The following RPS6KB1 variants were observed in gnomAD, a reference collection of about 807,000 sequenced individuals.
The protein encoded by RPS6KB1 is ribosomal protein S6 kinase beta-1.
Under a neutral mutation model 70.2 loss-of-function variants are expected in RPS6KB1, and 12 were observed. That is an observed-to-expected ratio of 0.17 (90% confidence interval 0.11 to 0.28). RPS6KB1 has a LOEUF of 0.28. Ranked by LOEUF, RPS6KB1 falls within the 10% of genes least tolerant of loss-of-function variation. The pLI, the probability that RPS6KB1 is intolerant of heterozygous loss-of-function variation, is 1.00. For missense variants in RPS6KB1, 270 were observed against 646.6 expected (o/e 0.42, Z 6.32); for synonymous variants, 175 against 211.2 (o/e 0.83, Z 1.49).
chr17:59,941,859 C>CTT (rs1197414948), intron 13 of RPS6KB1, among the ~76,000 whole-genome samples: 17 of 117,072 alleles, frequency 1.5e-4, no homozygotes, highest in East Asian at 7.5e-4. Flanking sequence ...GTCTCGATTT[C>CTT]TTTTTTTTTT....
At chr17:59,898,953 A>T (rs1033990629) in intron 1 of RPS6KB1, among the ~76,000 whole-genome samples, 6 of 151,196 alleles carry the variant, frequency 4.0e-5, no homozygotes, top group Non-Finnish European at 8.8e-5. Context: ...CTGTAATCCC[A>T]GCACTTTGGG....
At chr17:59,938,384 G>A (rs147966470) in intron 12 of RPS6KB1, among the ~76,000 whole-genome samples, 1,687 of 148,834 alleles carry the variant, frequency 0.011, 14 homozygotes, top group Non-Finnish European at 0.017. Context: ...AATTTTTTTT[G>A]TTGTTGTTGT....
At chr17:59,903,064 T>C (rs1298853641) in intron 1 of RPS6KB1, among the ~76,000 whole-genome samples, 7 of 151,788 alleles carry the variant, frequency 4.6e-5, no homozygotes, top group African/African-American at 1.7e-4. Context: ...TCCCAGCACT[T>C]TGGGAGGCCG....
At position 59,934,304 on chromosome 17, in the gene RPS6KB1, A is replaced by T. The variant is rs771672048; in HGVS notation, c.779+44A>T. 1.3e-6 allele frequency: 2 copies of T among 1,481,714 alleles called. No individual in the cohort carries two copies. Among genetic ancestry groups the T allele is most frequent in the African/African-American group, 2.8e-5 (2 of 72,244 alleles). The allele number at this position is 1,481,714 out of a possible 1,614,324, so 91.8% of individuals were successfully genotyped here. A position where few individuals can be genotyped will look rare whatever the true frequency, so the allele number is the denominator to read the frequency against. On this transcript the variant is annotated intron_variant, in intron 8 of 14. Transcript: ENST00000225577. The surrounding 1 kb of genome is among the most constrained non-coding windows in gnomAD (Gnocchi z 4.8). ...ATAATTGGTTTGGGGGTAATAGCTA[A>T]TTTTACCTGTTTTAAGGAATAGTAT...
At chr17:59,912,417 T>C in intron 2 of RPS6KB1, 1 of 319,188 alleles carries the variant, frequency 3.1e-6, no homozygotes, top group South Asian at 3.5e-5. Flanking sequence ...TGAAAAACCA[T>C]AGTACCCCTT....
intron 4 of RPS6KB1, among the ~76,000 whole-genome samples, chr17:59,916,034 C>G (rs969871691): frequency 2.0e-5 from 3 of 152,082 alleles, no homozygotes; most frequent in Non-Finnish European, 4.4e-5. Context: ...GCCTTGGCCT[C>G]CCAAAGTGCT....
chr17:59,943,084 CCT>C (rs2044710181), intron 13 of RPS6KB1, among the ~76,000 whole-genome samples: 1 of 151,916 alleles, frequency 6.6e-6, no homozygotes, highest in Admixed American at 6.6e-5. Flanking sequence ...TAGTAATAAT[CCT>C]ATAAATTAAT....
rs536801114 is a variant in RPS6KB1, at chr17:59,896,875, AC to A, written c.141+3551del. Among the ~76,000 whole-genome samples, 6 of 152,184 alleles carry A rather than the reference AC, an allele frequency of 3.9e-5. No individual in the cohort carries two copies. In the South Asian group the frequency reaches 1.2e-3, roughly 32 times the overall value. Reference sequence around the variant, plus strand: ...GAAGATTTGGAGTACGATTGGGTTGACAATCCAAGGAGATTCGGTGACATCC... The same window carrying A: ...GAAGATTTGGAGTACGATTGGGTTGAAATCCAAGGAGATTCGGTGACATCC... On this transcript the variant is annotated intron_variant, in intron 1 of 14. Coordinates refer to ENST00000225577, the MANE Select transcript of RPS6KB1 (RefSeq NM_003161.4).
chr17:59,901,724 T>A (rs1397486683), intron 1 of RPS6KB1, among the ~76,000 whole-genome samples: 1 of 151,764 alleles, frequency 6.6e-6, no homozygotes, highest in Non-Finnish European at 1.5e-5. Context: ...CTAACCTATT[T>A]CTCATCTCTA....
chr17:59,924,119 C>G (rs986498882), intron 4 of RPS6KB1, among the ~76,000 whole-genome samples: 2 of 151,994 alleles, frequency 1.3e-5, no homozygotes, highest in South Asian at 2.1e-4. Context: ...GGATCATGAG[C>G]TCAGTTCGAA....
chr17:59,906,775 C>T (rs1020965657), intron 1 of RPS6KB1, among the ~76,000 whole-genome samples: 2 of 152,192 alleles, frequency 1.3e-5, no homozygotes, highest in East Asian at 1.9e-4. Context: ...CTCACCGCAA[C>T]GTCTGCCTTA....
intron 1 of RPS6KB1, among the ~76,000 whole-genome samples, chr17:59,901,169 A>G (rs1335582056): frequency 2.0e-5 from 3 of 149,106 alleles, no homozygotes; most frequent in Non-Finnish European, 4.5e-5. Flanking sequence ...TTTTTTTTTG[A>G]GACGGAGTCT....
intron 1 of RPS6KB1, among the ~76,000 whole-genome samples, chr17:59,900,427 G>A (rs1340985270): frequency 2.6e-5 from 4 of 151,748 alleles, no homozygotes; most frequent in Admixed American, 6.6e-5. Flanking sequence ...GTGCAATGGC[G>A]CGATCTTGGC....
At chr17:59,921,663 A>G (rs965451773) in intron 4 of RPS6KB1, among the ~76,000 whole-genome samples, 4 of 152,182 alleles carry the variant, frequency 2.6e-5, no homozygotes, top group Non-Finnish European at 2.9e-5. Context: ...TAGGAATGGT[A>G]CCATTCAGGT....
Position 59,902,532 on chromosome 17 carries a change from T to C in RPS6KB1, c.142-8030T>C, listed in dbSNP as rs576371021. 5.3e-5 allele frequency among the ~76,000 whole-genome samples: 8 copies of C among 152,270 alleles called. No individual in the cohort carries two copies. In the South Asian group the frequency reaches 1.4e-3, roughly 28 times the overall value. ...TACCGGTTGATGTTCATTTGAGTTA[T>C]TCATTCAGATGTTCAACTGAATTGT... On this transcript the variant is annotated intron_variant, in intron 1 of 14. Transcript: ENST00000225577.
At chr17:59,932,382 A>C (rs2043974027) in intron 7 of RPS6KB1, among the ~76,000 whole-genome samples, 1 of 152,176 alleles carries the variant, frequency 6.6e-6, no homozygotes, top group African/African-American at 2.4e-5. Context: ...ATTATACTCC[A>C]GCCTGAGTGA....
chr17:59,932,179 T>G lies in RPS6KB1; in HGVS notation c.688+457T>G, dbSNP rs530104319. ...CAGCACTTTGGGAGGCTAAGGTGGG[T>G]GGATCACCTGAGGTCAGGAGTTCAA... On this transcript the variant is annotated intron_variant, in intron 7 of 14. Transcript: ENST00000225577. Among the ~76,000 whole-genome samples the G allele has an allele frequency of 4.0e-5, 6 of 151,424 alleles. No homozygotes were observed. The South Asian group carries it at 1.0e-3, about 26-fold the overall frequency.
chr17:59,924,395 T>TAACTTTTACACC (rs2043469890), intron 4 of RPS6KB1, among the ~76,000 whole-genome samples: 2 of 152,242 alleles, frequency 1.3e-5, no homozygotes, highest in Non-Finnish European at 2.9e-5. Context: ...GTTATTGGTG[T>TAACTTTTACACC]AATAGTCAAT....
Position 59,947,770 on chromosome 17 carries a change from T to C in RPS6KB1, c.*982T>C. 1 of 554,056 alleles carries C rather than the reference T, an allele frequency of 1.8e-6. No homozygotes were observed. Among genetic ancestry groups the C allele is most frequent in the South Asian group, 2.7e-5 (1 of 37,258 alleles). The allele number at this position is 554,056 out of a possible 1,614,324, so 34.3% of individuals were successfully genotyped here. On this transcript the variant is annotated 3_prime_UTR_variant, in exon 15 of 15. Transcript: ENST00000225577. ...ATGGCTGAAGAACAACAGAAGAGAG[T>C]CAGGATAAAAAATACATACTGTGGT...
Sources: gnomAD v4.1 joint callset for allele counts (sites outside exome capture counted in the v4.1 genomes callset) on GRCh38, gnomAD v4.1.1 for gene constraint, Gnocchi (gnomAD v3.1) non-coding constraint, MANE v1.5 for transcripts, NCBI Gene and HGNC (gene_info 2026-07-23, HGNC 2026-07-21) for gene names.